DNAI4: variants seen among roughly 807,000 people sequenced by gnomAD.
DNAI4 encodes the protein dynein axonemal intermediate chain 4.
A neutral mutation model predicts 105.8 loss-of-function variants in DNAI4; 85 were observed. The ratio of observed to expected loss-of-function variants is 0.80; its 90% CI spans 0.67 to 0.96. The LOEUF is 0.96. DNAI4 is among the 40% of genes least tolerant of loss of function. The pLI, the probability that DNAI4 is intolerant of heterozygous loss-of-function variation, is 0.00. For synonymous variants in DNAI4, 352 were observed against 331.5 expected (o/e 1.06, Z -0.67); for missense variants, 1,014 against 1,005.6 (o/e 1.01, Z -0.11).
chr1:66,921,269 G>A (rs1184303194), intron 1 of DNAI4: 1 of 152,226 alleles, frequency 6.6e-6, no homozygotes, highest in Non-Finnish European at 1.5e-5. Flanking sequence ...ACAATCAGCA[G>A]TTATTTTTAT....
At chr1:66,842,080 A>C (rs575024472) in intron 8 of DNAI4, among the ~76,000 whole-genome samples, 1 of 152,176 alleles carries the variant, frequency 6.6e-6, no homozygotes, top group Non-Finnish European at 1.5e-5. Context: ...TCGGAATCAC[A>C]CAGTATGTGG....
Position 66,833,510 on chromosome 1 carries a change from T to C in DNAI4, c.2013+75A>G, listed in dbSNP as rs1020631086. 1.3e-5 allele frequency: 20 copies of C among 1,524,920 alleles called. No homozygotes were observed. The African/African-American group carries it at 2.6e-4, about 20-fold the overall frequency. 94.5% of individuals were successfully genotyped at this position (1,524,920 alleles called of 1,614,324 possible). On this transcript the variant is annotated intron_variant, in intron 13 of 16. Coordinates refer to ENST00000371026, the MANE Select transcript of DNAI4 (RefSeq NM_024763.5). ...TTCATTAACAGGCTAATATTTGGTC[T>C]TGTTTTATGACTTAATACACTTCAA...
At chr1:66,856,742 C>G (rs2100576558) in intron 7 of DNAI4, among the ~76,000 whole-genome samples, 1 of 151,770 alleles carries the variant, frequency 6.6e-6, no homozygotes, top group South Asian at 2.1e-4. Context: ...ACAAATAGGT[C>G]AAAGAAGAAG....
chr1:66,923,288 T>C (rs1027030604), intron 1 of DNAI4, among the ~76,000 whole-genome samples: 2 of 152,222 alleles, frequency 1.3e-5, no homozygotes, highest in African/African-American at 2.4e-5. Flanking sequence ...AGGTGTACAG[T>C]CTACTATACA....
At chr1:66,918,095 AAG>A (rs1207830562) in intron 1 of DNAI4, among the ~76,000 whole-genome samples, 1 of 152,214 alleles carries the variant, frequency 6.6e-6, no homozygotes, top group Non-Finnish European at 1.5e-5. Context: ...TTGGCTTTAA[AAG>A]AGTCTTATTT....
intron 1 of DNAI4, among the ~76,000 whole-genome samples, chr1:66,909,829 A>G (rs963433644): frequency 5.3e-5 from 8 of 151,760 alleles, no homozygotes; most frequent in African/African-American, 1.9e-4. Flanking sequence ...ACTCTTCCCT[A>G]TTTTTGTTAA....
chr1:66,886,603 C>G (rs1647208007), intron 4 of DNAI4, among the ~76,000 whole-genome samples: 1 of 152,136 alleles, frequency 6.6e-6, no homozygotes, highest in Non-Finnish European at 1.5e-5. Flanking sequence ...CTATGTCTTG[C>G]AATTCTTTCA....
At chr1:66,893,060 A>AAAG (rs1557965271) in intron 3 of DNAI4, among the ~76,000 whole-genome samples, 169 bp downstream of exon 3, 1 of 93,282 alleles carries the variant, frequency 1.1e-5, no homozygotes, top group African/African-American at 4.7e-5. Flanking sequence ...AGAAAGAGAG[A>AAAG]GAGAGAAAGA....
intron 9 of DNAI4, among the ~76,000 whole-genome samples, chr1:66,839,765 T>A (rs1323590499): frequency 6.6e-6 from 1 of 152,218 alleles, no homozygotes; most frequent in African/African-American, 2.4e-5. Context: ...CAAGATGACT[T>A]TTGTCAGTGC....
chr1:66,912,419 A>C (rs1649727859), intron 1 of DNAI4, among the ~76,000 whole-genome samples: 1 of 151,984 alleles, frequency 6.6e-6, no homozygotes. Flanking sequence ...TAGTGAGCCA[A>C]GATCACACCA....
chr1:66,823,269 T>C (rs1645674215), intron 15 of DNAI4, among the ~76,000 whole-genome samples: 1 of 150,720 alleles, frequency 6.6e-6, no homozygotes, highest in Non-Finnish European at 1.5e-5. Context: ...TAGTATTCCA[T>C]GGTGTATATG....
intron 1 of DNAI4, chr1:66,919,193 G>A: frequency 5.2e-6 from 2 of 386,514 alleles, no homozygotes; most frequent in Non-Finnish European, 1.1e-5. Context: ...CTGTATCACG[G>A]GTACACATCC....
At position 66,893,381 on chromosome 1, in the gene DNAI4, G is replaced by A; in HGVS notation, c.378C>T (p.Pro126=). 6.3e-7 allele frequency: 1 copy of A among 1,585,868 alleles called. No individual in the cohort carries two copies. Among genetic ancestry groups the A allele is most frequent in the Admixed American group, 1.8e-5 (1 of 55,978 alleles). Residue 126 remains proline (P), a synonymous_variant, in exon 3 of 17, where the codon CCC becomes CCT. Coordinates refer to ENST00000371026, the MANE Select transcript of DNAI4 (RefSeq NM_024763.5). ...GTGGATCTGGATGGTAAAGAGGTCG[G>A]GGAGTAACATCAGTTCCATTTATGT... The part of the protein sequence containing the change: ...VFDINGTDVT[P]RPLYHPDPLT...
chr1:66,825,057 G>C (rs1037863810), intron 15 of DNAI4, among the ~76,000 whole-genome samples: 2 of 151,570 alleles, frequency 1.3e-5, no homozygotes, highest in Admixed American at 1.3e-4. Context: ...TAGATATAAA[G>C]ATAGGAATAT....
intron 1 of DNAI4, among the ~76,000 whole-genome samples, chr1:66,920,083 C>T (rs1334518155): frequency 6.6e-6 from 1 of 152,174 alleles, no homozygotes; most frequent in African/African-American, 2.4e-5. Context: ...TTTTCAAAAC[C>T]ACCCATGGCC....
intron 1 of DNAI4, among the ~76,000 whole-genome samples, chr1:66,915,398 A>G (rs900031652): frequency 1.3e-5 from 2 of 152,236 alleles, no homozygotes; most frequent in African/African-American, 2.4e-5. Flanking sequence ...CAGTTAGGTC[A>G]TATCTTTTTC....
intron 6 of DNAI4, among the ~76,000 whole-genome samples, chr1:66,863,869 G>A (rs943628832): frequency 1.3e-5 from 2 of 152,082 alleles, no homozygotes; most frequent in Non-Finnish European, 2.9e-5. Context: ...ATTTTGCTCA[G>A]TTGAAAAAAG....
Position 66,893,397 on chromosome 1 carries a change from C to A in DNAI4, c.362G>T (p.Gly121Val). 6.4e-7 allele frequency: 1 copy of A among 1,556,354 alleles called. No homozygotes were observed. The highest frequency in any genetic ancestry group is 2.4e-5 in the East Asian group (1 of 42,330). Residue 121 changes from glycine to valine, a missense_variant, in exon 3 of 17, where the codon GGA (glycine) becomes GTA (valine). By Grantham distance (109) the Gly-to-Val change is moderately radical (BLOSUM62 -3). Transcript: ENST00000371026. ...AAGAGGTCGGGGAGTAACATCAGTT[C>A]CATTTATGTCAAATACCTGTTAAAA... ...IKTTQVFDIN[G>V]TDVTPRPLYH...
At chr1:66,818,782 G>A (rs910113688) in intron 16 of DNAI4, among the ~76,000 whole-genome samples, 1 of 152,094 alleles carries the variant, frequency 6.6e-6, no homozygotes, top group Non-Finnish European at 1.5e-5. Context: ...GCGTGGTGGT[G>A]GGTGCCTGTA....
Sources: gnomAD v4.1 joint callset for allele counts (sites outside exome capture counted in the v4.1 genomes callset) on GRCh38, gnomAD v4.1.1 for gene constraint, MANE v1.5 for transcripts, NCBI Gene and HGNC (gene_info 2026-07-23, HGNC 2026-07-21) for gene names.